Variants in TMEM232 observed in about 807,000 individuals in gnomAD.
The protein encoded by TMEM232 is transmembrane protein 232.
TMEM232 carries 80 observed loss-of-function variants against 78.8 expected under a neutral mutation model. The observed-to-expected ratio is 1.01, with a 90% CI of 0.85 to 1.22. The LOEUF (loss-of-function observed/expected upper bound fraction) is 1.22, where lower values mean the gene tolerates loss of function less well. TMEM232 is among the 50% of genes most tolerant of loss of function. The probability of loss-of-function intolerance (pLI) is 0.00; values close to 1 mark genes in which losing one functional copy is unlikely to be tolerated. For synonymous variants in TMEM232, 297 were observed against 254.3 expected, an observed-to-expected ratio of 1.17 and a Z score of -1.60; for missense variants, 881 against 742.2, an observed-to-expected ratio of 1.19 and a Z score of -2.17.
In TMEM232 at chr5:110,524,304, AAAAG is replaced by A. The variant is rs201568824; in HGVS notation, c.1703+4280_1703+4283del. On this transcript the variant is annotated intron_variant, in intron 12 of 13. Coordinates refer to ENST00000455884, the MANE Select transcript of TMEM232 (RefSeq NM_001039763.4). ...AAAGAGAGAGAGGGAGAAAGAAATA[AAAAG>A]AAAGAAGGAAGGAAGGAAGGGAGAG... Among the ~76,000 whole-genome samples, 13 of 146,796 alleles carry A rather than the reference AAAAG, an allele frequency of 8.9e-5. No homozygotes were observed. In the East Asian group the frequency reaches 9.8e-4, roughly 11 times the overall value.
At chr5:110,509,744 T>A (rs1398321345) in intron 12 of TMEM232, among the ~76,000 whole-genome samples, 1 of 152,158 alleles carries the variant, frequency 6.6e-6, no homozygotes, top group African/African-American at 2.4e-5. Flanking sequence ...CATATGGGAA[T>A]GACTCCTGTT....
chr5:110,389,530 G>A (rs1175910977), intron 4 of TMEM232, among the ~76,000 whole-genome samples: 1 of 152,098 alleles, frequency 6.6e-6, no homozygotes, highest in Non-Finnish European at 1.5e-5. Context: ...ATAAACCTCG[G>A]TGAAAAATTT....
intron 2 of TMEM232, among the ~76,000 whole-genome samples, chr5:110,658,686 CTG>C (rs1561467977): frequency 5.3e-5 from 8 of 152,126 alleles, no homozygotes; most frequent in African/African-American, 1.9e-4. Context: ...AGCTTCTAAA[CTG>C]TAATGTCATC....
At chr5:110,724,495 C>A (rs1407182005) in intron 1 of TMEM232, among the ~76,000 whole-genome samples, 1 of 152,186 alleles carries the variant, frequency 6.6e-6, no homozygotes, top group African/African-American at 2.4e-5. Flanking sequence ...TAATAAATCT[C>A]AGTTAATATA....
In TMEM232 at chr5:110,533,010, C is replaced by A. The variant is rs367957918; in HGVS notation, c.1456-4175G>T. On this transcript the variant is annotated intron_variant, in intron 11 of 13. Transcript: ENST00000455884. Reference sequence around the variant, plus strand: ...TTATCAACCAAACTGTTTTGCCTATCCACCCTGTGGTGCCCAACCCGTACA... The same window carrying A: ...TTATCAACCAAACTGTTTTGCCTATACACCCTGTGGTGCCCAACCCGTACA... Among the ~76,000 whole-genome samples the A allele has an allele frequency of 9.9e-5, 15 of 152,280 alleles. No homozygotes were observed. The East Asian group carries it at 2.7e-3, about 27-fold the overall frequency.
rs1795217923 is a variant in TMEM232 at position 110,699,743 on chromosome 5, GGTTTCA to G, written c.-13+26878_-13+26883del. Among the ~76,000 whole-genome samples the G allele has an allele frequency of 2.0e-5, 3 of 151,928 alleles. No individual in the cohort carries two copies. The South Asian group carries it at 6.2e-4, about 31-fold the overall frequency. On this transcript the variant is annotated intron_variant, in intron 1 of 13. Transcript: ENST00000455884. ...TGCTTCTTGAACCTTCCTCTCACTT[GGTTTCA>G]GAACTGCCTTGTCCAGATTTTCTTC...
At chr5:110,684,488 T>C (rs530190748) in intron 1 of TMEM232, among the ~76,000 whole-genome samples, 1 of 152,078 alleles carries the variant, frequency 6.6e-6, no homozygotes, top group Admixed American at 6.6e-5. Flanking sequence ...ATATTATAGA[T>C]TAAAAGAAAA....
chr5:110,507,639 T>C (rs904289167), intron 12 of TMEM232, among the ~76,000 whole-genome samples: 4 of 152,186 alleles, frequency 2.6e-5, no homozygotes, highest in African/African-American at 9.6e-5. Flanking sequence ...GGCTTGACTC[T>C]CCCAGCCAGA....
chr5:110,414,949 T>A (rs1410333120), downstream of TMEM232, among the ~76,000 whole-genome samples: 1 of 152,186 alleles, frequency 6.6e-6, no homozygotes, highest in Non-Finnish European at 1.5e-5. Flanking sequence ...ACCAGAGACC[T>A]GTCTCCTATC....
chr5:110,646,629 A>C (rs368359090), intron 2 of TMEM232, among the ~76,000 whole-genome samples: 4 of 151,838 alleles, frequency 2.6e-5, no homozygotes, highest in East Asian at 1.9e-4. Context: ...ATACTTCTTG[A>C]TATTGGTCTT....
At chr5:110,464,230 G>A (rs1437050858) in intron 12 of TMEM232, among the ~76,000 whole-genome samples, 5 of 152,110 alleles carry the variant, frequency 3.3e-5, no homozygotes, top group Non-Finnish European at 7.3e-5. Flanking sequence ...TCAGCAGAAC[G>A]CAGTGGCTGA....
At chr5:110,397,814 T>C (rs1755448690) in exon 3 of TMEM232, 1 of 152,632 alleles carries the variant, frequency 6.6e-6, no homozygotes, top group Non-Finnish European at 1.5e-5. Flanking sequence ...TCTCAGCTGC[T>C]GTAACATGAT....
At chr5:110,407,747 C>T (rs1442627550) in intron 2 of TMEM232, among the ~76,000 whole-genome samples, 2 of 152,110 alleles carry the variant, frequency 1.3e-5, no homozygotes. Flanking sequence ...CCACATGGAA[C>T]ATTTTCCAGA....
intron 11 of TMEM232, among the ~76,000 whole-genome samples, chr5:110,545,342 T>G (rs1238267866): frequency 5.3e-5 from 8 of 152,036 alleles, no homozygotes; most frequent in Admixed American, 3.3e-4. Context: ...ATACATTATA[T>G]ATATGTATAT....
chr5:110,653,014 A>G (rs1788550992), intron 2 of TMEM232, among the ~76,000 whole-genome samples: 1 of 152,194 alleles, frequency 6.6e-6, no homozygotes, highest in African/African-American at 2.4e-5. Context: ...TAATGTGAAT[A>G]TCTGTGAACT....
At chr5:110,722,511 G>A (rs1440001232) in intron 1 of TMEM232, among the ~76,000 whole-genome samples, 1 of 152,158 alleles carries the variant, frequency 6.6e-6, no homozygotes, top group Non-Finnish European at 1.5e-5. Context: ...GGCTGTTGTA[G>A]CAGGCCTCAG....
At position 110,439,090 on chromosome 5, in the gene TMEM232, C is replaced by T. The variant is rs17132143; in HGVS notation, c.1704-14174G>A. Reference sequence around the variant, plus strand: ...AAGTCATACCTGACTATAGTTCAAACATTAGATTTACTGTCTTTAACCCTC... The same window carrying T: ...AAGTCATACCTGACTATAGTTCAAATATTAGATTTACTGTCTTTAACCCTC... On this transcript the variant is annotated intron_variant, in intron 12 of 13. Transcript: ENST00000455884. Among the ~76,000 whole-genome samples, 461 of 152,236 alleles carry T rather than the reference C, an allele frequency of 3.0e-3. 4 individuals are homozygous for T. Among genetic ancestry groups the T allele is most frequent in the African/African-American group, 0.01 (421 of 41,562 alleles).
intron 1 of TMEM232, among the ~76,000 whole-genome samples, chr5:110,669,718 T>G (rs1791106622): frequency 6.6e-6 from 1 of 152,294 alleles, no homozygotes; most frequent in African/African-American, 2.4e-5. Flanking sequence ...TGAACATCAA[T>G]GCAGAAATCC....
chr5:110,594,214 ACCTTC>A (rs969836447), intron 10 of TMEM232, among the ~76,000 whole-genome samples: 18 of 151,898 alleles, frequency 1.2e-4, no homozygotes, highest in Non-Finnish European at 2.1e-4. Context: ...CTGGGGAACT[ACCTTC>A]CCTAGCCAGG....
Sources: allele counts gnomAD v4.1 joint callset (sites outside exome capture counted in the v4.1 genomes callset), GRCh38; gene constraint gnomAD v4.1.1; transcripts MANE v1.5; gene names NCBI Gene and HGNC (gene_info 2026-07-23, HGNC 2026-07-21).